Variants in PDLIM5 observed in about 807,000 individuals in gnomAD.
PDLIM5 encodes the protein PDZ and LIM domain protein 5.
Under a neutral mutation model 64.2 loss-of-function variants are expected in PDLIM5, and 34 were observed. That is an observed-to-expected ratio of 0.53 (90% CI 0.40 to 0.71). The LOEUF is 0.71. Among genes scored for constraint, PDLIM5 ranks in the 30% least tolerant of loss-of-function variants. PDLIM5 has a pLI of 0.00. For synonymous variants in PDLIM5, 253 were observed against 269.1 expected, an observed-to-expected ratio of 0.94 and a Z score of 0.59; for missense variants, 683 against 733.6, an observed-to-expected ratio of 0.93 and a Z score of 0.80.
intron 3 of PDLIM5, among the ~76,000 whole-genome samples, chr4:94,566,318 T>C (rs911527720): frequency 6.6e-6 from 1 of 152,218 alleles, no homozygotes; most frequent in Non-Finnish European, 1.5e-5. Flanking sequence ...CAAGTGAAAT[T>C]ATTGGCATTT....
chr4:94,573,595 A>G (rs1734992964), intron 4 of PDLIM5: 4 of 588,408 alleles, frequency 6.8e-6, no homozygotes, highest in Non-Finnish European at 1.2e-5. Context: ...GTTATAAAAC[A>G]TTATTTCCAA....
intron 2 of PDLIM5, among the ~76,000 whole-genome samples, chr4:94,485,563 G>A (rs894730210): frequency 2.0e-5 from 3 of 152,072 alleles, no homozygotes; most frequent in Non-Finnish European, 2.9e-5. Context: ...GGCTGGGTGC[G>A]GTGGCTTATG....
chr4:94,578,803 C>T (rs1735497852), intron 5 of PDLIM5, among the ~76,000 whole-genome samples: 1 of 151,770 alleles, frequency 6.6e-6, no homozygotes, highest in African/African-American at 2.4e-5. Flanking sequence ...GAGTTGTTAC[C>T]TTATATTTAT....
chr4:94,559,867 G>GT (rs1174716318), intron 3 of PDLIM5, among the ~76,000 whole-genome samples: 2 of 152,176 alleles, frequency 1.3e-5, no homozygotes, highest in Non-Finnish European at 2.9e-5. Context: ...TAATATACAT[G>GT]TTTTTGGCAT....
At chr4:94,502,738 G>A (rs1451340905) in intron 2 of PDLIM5, among the ~76,000 whole-genome samples, 9 of 151,996 alleles carry the variant, frequency 5.9e-5, no homozygotes, top group Non-Finnish European at 1.0e-4. Context: ...TTAGCCGGGC[G>A]GGGTGGTATG....
intron 7 of PDLIM5, chr4:94,611,281 A>G: frequency 2.5e-6 from 3 of 1,190,590 alleles, no homozygotes; most frequent in Non-Finnish European, 3.5e-6. Flanking sequence ...CTGTATTAAC[A>G]GGCCAGGTGA....
intron 7 of PDLIM5, chr4:94,587,639 T>C: frequency 3.1e-6 from 3 of 979,724 alleles, no homozygotes; most frequent in Non-Finnish European, 3.6e-6. Flanking sequence ...TTAAAGTAGG[T>C]ACTATTCAGG....
intron 3 of PDLIM5, among the ~76,000 whole-genome samples, chr4:94,538,852 C>T (rs535674383): frequency 6.6e-6 from 1 of 152,200 alleles, no homozygotes; most frequent in South Asian, 2.1e-4. Flanking sequence ...CTTGAATAAA[C>T]CTTATGTAAC....
At chr4:94,476,087 A>G (rs1009100597) in intron 2 of PDLIM5, among the ~76,000 whole-genome samples, 1 of 152,230 alleles carries the variant, frequency 6.6e-6, no homozygotes, top group African/African-American at 2.4e-5. Flanking sequence ...CAAATATGTC[A>G]TAAATATAAT....
intron 8 of PDLIM5, among the ~76,000 whole-genome samples, chr4:94,626,253 G>T (rs1382379664): frequency 6.6e-6 from 1 of 152,136 alleles, no homozygotes; most frequent in Non-Finnish European, 1.5e-5. Context: ...GTAGAATGAT[G>T]ACTATCATTG....
intron 3 of PDLIM5, among the ~76,000 whole-genome samples, chr4:94,568,221 A>G (rs534751085): frequency 6.6e-6 from 1 of 152,328 alleles, no homozygotes; most frequent in Middle Eastern, 3.4e-3. Context: ...TGTTTTTACT[A>G]AAGTTTTGTT....
chr4:94,645,527 C>T (rs886287016), intron 9 of PDLIM5, among the ~76,000 whole-genome samples: 1 of 152,192 alleles, frequency 6.6e-6, no homozygotes, highest in Non-Finnish European at 1.5e-5. Flanking sequence ...TGGAACCCAT[C>T]TGCTTGATTC....
At chr4:94,611,161 C>T (rs753444258) in intron 7 of PDLIM5, 3 of 1,534,962 alleles carry the variant, frequency 2.0e-6, no homozygotes, top group Non-Finnish European at 2.6e-6. Context: ...CTGCAGTCCT[C>T]AAGGAAATCA....
chr4:94,599,226 C>CCCCA (rs1324323243), intron 7 of PDLIM5, among the ~76,000 whole-genome samples: 1 of 152,064 alleles, frequency 6.6e-6, no homozygotes, highest in Non-Finnish European at 1.5e-5. Context: ...TTATGAGTAT[C>CCCCA]CCCATAGTTC....
intron 3 of PDLIM5, among the ~76,000 whole-genome samples, chr4:94,559,127 A>C (rs191536860): frequency 3.3e-5 from 5 of 152,342 alleles, no homozygotes; most frequent in Admixed American, 3.3e-4. Flanking sequence ...AAAATAAAAA[A>C]GATATTATTA....
At chr4:94,478,898 T>TGTTTTTG (rs1560642854) in intron 2 of PDLIM5, among the ~76,000 whole-genome samples, 3 of 138,756 alleles carry the variant, frequency 2.2e-5, no homozygotes, top group African/African-American at 9.1e-5. Flanking sequence ...GTGTTTTTTT[T>TGTTTTTG]TTTTTTTTTT....
At position 94,664,520 on chromosome 4, in the gene PDLIM5, T is replaced by C. The variant is rs1742972614; in HGVS notation, c.*453T>C. ...AAAAAACTAATACTTATCTTTAAAA[T>C]AGTAAATAGGATTTTAAACAGAGAA... On this transcript the variant is annotated 3_prime_UTR_variant, in exon 13 of 13. Transcript: ENST00000317968. 2 of 723,982 alleles carry C rather than the reference T, an allele frequency of 2.8e-6. No individual in the cohort carries two copies. The highest frequency in any genetic ancestry group is 6.3e-5 in the Admixed American group (1 of 15,946). The allele number at this position is 723,982 out of a possible 1,614,324, so 44.8% of individuals were successfully genotyped here. A position where few individuals can be genotyped will look rare whatever the true frequency, so the allele number is the denominator to read the frequency against.
At chr4:94,646,898 C>T (rs994824757) in intron 9 of PDLIM5, among the ~76,000 whole-genome samples, 2 of 152,080 alleles carry the variant, frequency 1.3e-5, no homozygotes, top group African/African-American at 4.8e-5. Context: ...CAGGTATGTT[C>T]CTTCTTTTCC....
At chr4:94,519,972 G>A (rs1421636443) in intron 2 of PDLIM5, among the ~76,000 whole-genome samples, 1 of 152,134 alleles carries the variant, frequency 6.6e-6, no homozygotes, top group Non-Finnish European at 1.5e-5. Flanking sequence ...CTAGGGATGA[G>A]TTTTAATCTA....
Sources: allele counts gnomAD v4.1 joint callset (sites outside exome capture counted in the v4.1 genomes callset), GRCh38; gene constraint gnomAD v4.1.1; transcripts MANE v1.5; gene names NCBI Gene and HGNC (gene_info 2026-07-23, HGNC 2026-07-21).